Variants in SEMA3A observed in about 807,000 individuals in gnomAD.
SEMA3A encodes the protein semaphorin 3A.
A neutral mutation model predicts 97.9 loss-of-function variants in SEMA3A; 29 were observed. The ratio of observed to expected loss-of-function variants is 0.30; its 90% CI spans 0.22 to 0.40. SEMA3A has a LOEUF of 0.40. SEMA3A is among the 10% of genes least tolerant of loss of function. SEMA3A has a pLI of 1.00. For synonymous variants in SEMA3A, 321 were observed against 323.7 expected (o/e 0.99, Z 0.09); for missense variants, 763 against 951.3 (o/e 0.80, Z 2.60).
chr7:84,256,058 T>G (rs1279238913), intron 3 of SEMA3A, among the ~76,000 whole-genome samples: 1 of 152,074 alleles, frequency 6.6e-6, no homozygotes, highest in African/African-American at 2.4e-5. Flanking sequence ...AAGGTGTCAA[T>G]AGCACTTAAG....
At chr7:84,288,706 A>G (rs1405894244) in intron 3 of SEMA3A, among the ~76,000 whole-genome samples, 1 of 152,140 alleles carries the variant, frequency 6.6e-6, no homozygotes. Context: ...AAAAAAACAA[A>G]ACAAAACAAA....
intron 12 of SEMA3A, among the ~76,000 whole-genome samples, chr7:83,989,843 T>A (rs1183014588): frequency 4.0e-5 from 6 of 150,574 alleles, no homozygotes; most frequent in East Asian, 2.0e-4. Context: ...AGTAATGGGA[T>A]GGCTGGGTCA....
At chr7:84,108,498 T>A (rs529741620) in intron 4 of SEMA3A, among the ~76,000 whole-genome samples, 3 of 151,980 alleles carry the variant, frequency 2.0e-5, no homozygotes, top group Non-Finnish European at 4.4e-5. Context: ...TGAGACAGAG[T>A]CTGAGAGACG....
intron 1 of SEMA3A, among the ~76,000 whole-genome samples, chr7:84,452,617 T>C (rs1805587527): frequency 6.6e-6 from 1 of 152,210 alleles, no homozygotes; most frequent in African/African-American, 2.4e-5. Context: ...TATGTTACTA[T>C]GTATAAAAAA....
chr7:84,239,235 T>C (rs1799305854), intron 3 of SEMA3A, among the ~76,000 whole-genome samples: 1 of 152,230 alleles, frequency 6.6e-6, no homozygotes. Flanking sequence ...AGTTTTTTAA[T>C]TATCTACTTA....
chr7:83,965,255 T>C (rs940736080), intron 15 of SEMA3A, among the ~76,000 whole-genome samples: 2 of 151,956 alleles, frequency 1.3e-5, no homozygotes, highest in African/African-American at 4.8e-5. Context: ...AACTTTTCTT[T>C]ATTAAGAAAT....
At chr7:84,353,850 A>T (rs1335527923) in intron 2 of SEMA3A, among the ~76,000 whole-genome samples, 1 of 151,698 alleles carries the variant, frequency 6.6e-6, no homozygotes, top group Non-Finnish European at 1.5e-5. Context: ...ATGAGCTTTT[A>T]GGTTTACATT....
chr7:84,471,722 C>G (rs1251200371), intron 1 of SEMA3A, among the ~76,000 whole-genome samples: 3 of 152,072 alleles, frequency 2.0e-5, no homozygotes, highest in Non-Finnish European at 2.9e-5. Flanking sequence ...AACAAAATCC[C>G]CAATTCCCCC....
chr7:84,020,933 T>C (rs59002690), intron 6 of SEMA3A, among the ~76,000 whole-genome samples: 38,749 of 152,056 alleles, frequency 0.25, 5,793 homozygotes, highest in East Asian at 0.42. Context: ...TCAGGTTTCA[T>C]AGATTTGAGA....
rs535932182 is a variant in SEMA3A, at chr7:84,254,341, A to G, written c.-83+52866T>C. Among the ~76,000 whole-genome samples, 5 of 152,336 alleles carry G rather than the reference A, an allele frequency of 3.3e-5. 1 individual carries two copies. The highest frequency in any genetic ancestry group is 1.2e-4 in the African/African-American group (5 of 41,584). The stretch of plus-strand genomic sequence containing the variant: ...TGTTAGGTTTTGCATGGGAAAAACA[A>G]AACAAAACAAAACAAAAACTTGAGT... On this transcript the variant is annotated intron_variant, in intron 3 of 3. Transcript: ENST00000424555.
chr7:84,300,142 C>T (rs929994015), intron 3 of SEMA3A, among the ~76,000 whole-genome samples: 5 of 144,036 alleles, frequency 3.5e-5, no homozygotes, highest in African/African-American at 1.3e-4. Context: ...GAAAATTTTT[C>T]ATAAAGGAGA....
At chr7:84,224,559 C>T (rs974047863) in intron 3 of SEMA3A, among the ~76,000 whole-genome samples, 5 of 151,952 alleles carry the variant, frequency 3.3e-5, no homozygotes, top group African/African-American at 9.7e-5. Flanking sequence ...CTAAAACATT[C>T]CCAGGAAAAT....
intron 1 of SEMA3A, among the ~76,000 whole-genome samples, chr7:84,433,893 C>T (rs188132805): frequency 6.6e-6 from 1 of 152,148 alleles, no homozygotes; most frequent in African/African-American, 2.4e-5. Flanking sequence ...AGTGTCTGTT[C>T]ATATTCTTCA....
intron 3 of SEMA3A, among the ~76,000 whole-genome samples, chr7:84,275,899 G>C (rs1271248463): frequency 6.6e-6 from 1 of 151,992 alleles, no homozygotes; most frequent in Non-Finnish European, 1.5e-5. Context: ...GTGGCATATA[G>C]ATACATTAAT....
intron 2 of SEMA3A, among the ~76,000 whole-genome samples, chr7:84,313,362 ATAT>A (rs1358325514): frequency 6.9e-5 from 1 of 14,490 alleles, no homozygotes; most frequent in African/African-American, 1.2e-4. Context: ...GTGTGTATAT[ATAT>A]ATATATATAT....
At chr7:84,346,967 A>G (rs1447994405) in intron 2 of SEMA3A, among the ~76,000 whole-genome samples, 1 of 152,240 alleles carries the variant, frequency 6.6e-6, no homozygotes, top group Non-Finnish European at 1.5e-5. Flanking sequence ...GGTCACCATC[A>G]TTACTCATGA....
chr7:84,255,083 C>T lies in SEMA3A; in HGVS notation c.-83+52124G>A, dbSNP rs75768559. ...TTGGAAGTAGAAAGTAGATTGTCATCATGGAGTGAAGCACTCGGGGACATT... is the reference window on the plus strand; with the variant it reads ...TTGGAAGTAGAAAGTAGATTGTCATTATGGAGTGAAGCACTCGGGGACATT... On this transcript the variant is annotated intron_variant, in intron 3 of 3. Transcript: ENST00000424555. Among the ~76,000 whole-genome samples, 1,007 of 152,188 alleles carry T rather than the reference C, an allele frequency of 6.6e-3. 11 individuals are homozygous for T. The highest frequency in any genetic ancestry group is 0.023 in the African/African-American group (948 of 41,536).
chr7:84,009,276 T>C (rs1462938364), intron 9 of SEMA3A, among the ~76,000 whole-genome samples: 1 of 152,236 alleles, frequency 6.6e-6, no homozygotes, highest in African/African-American at 2.4e-5. Flanking sequence ...AGAAATGGAT[T>C]CATATTTGTC....
rs1029951474 is a variant in SEMA3A, at chr7:84,217,354, T to C, written c.-82-22686A>G. ...TGAACCCTCAAAGATATGTTGATGA[T>C]GCATTGACAGGTGCTTTGTCTCCTA... On this transcript the variant is annotated intron_variant, in intron 3 of 3. Transcript: ENST00000424555. 3.8e-4 allele frequency among the ~76,000 whole-genome samples: 58 copies of C among 152,184 alleles called. 1 individual carries two copies. The highest frequency in any genetic ancestry group is 1.3e-3 in the African/African-American group (52 of 41,430).
Sources: gnomAD v4.1 joint callset for allele counts (sites outside exome capture counted in the v4.1 genomes callset) on GRCh38, gnomAD v4.1.1 for gene constraint, MANE v1.5 for transcripts, NCBI Gene and HGNC (gene_info 2026-07-23, HGNC 2026-07-21) for gene names.